MAN1A1: variants seen among roughly 807,000 people sequenced by gnomAD.
MAN1A1 encodes mannosyl-oligosaccharide 1,2-alpha-mannosidase IA.
Under a neutral mutation model 70.8 loss-of-function variants are expected in MAN1A1, and 29 were observed. The ratio of observed to expected loss-of-function variants is 0.41; its 90% CI spans 0.31 to 0.56. MAN1A1 has a LOEUF of 0.56. Among genes scored for constraint, MAN1A1 ranks in the 20% least tolerant of loss-of-function variants. The probability of loss-of-function intolerance (pLI) is 0.29; values close to 1 mark genes in which losing one functional copy is unlikely to be tolerated. For missense variants in MAN1A1, 747 were observed against 841.3 expected, an observed-to-expected ratio of 0.89 and a Z score of 1.39; for synonymous variants, 349 against 330.1, an observed-to-expected ratio of 1.06 and a Z score of -0.62.
chr6:119,211,354 CCAGT>C (rs1310826695), intron 6 of MAN1A1, among the ~76,000 whole-genome samples: 8 of 152,172 alleles, frequency 5.3e-5, no homozygotes, highest in Non-Finnish European at 1.0e-4. Flanking sequence ...GCCAGTGTGG[CCAGT>C]ATTACTTGCT....
At chr6:119,338,334 G>GA (rs375948041) in intron 2 of MAN1A1, among the ~76,000 whole-genome samples, 28 of 144,170 alleles carry the variant, frequency 1.9e-4, no homozygotes, top group East Asian at 4.0e-4. Flanking sequence ...ATTTAGGGTG[G>GA]AAAAAAAAAA....
At chr6:119,194,552 G>T (rs929742731) in intron 8 of MAN1A1, among the ~76,000 whole-genome samples, 3 of 151,996 alleles carry the variant, frequency 2.0e-5, no homozygotes. Flanking sequence ...TACAACTCCT[G>T]GCCTCAAGCA....
chr6:119,329,269 G>A (rs149502332), intron 2 of MAN1A1, among the ~76,000 whole-genome samples: 2 of 152,294 alleles, frequency 1.3e-5, no homozygotes, highest in East Asian at 3.9e-4. Context: ...CTTGAGTACT[G>A]ATTCATAAGA....
At chr6:119,191,988 G>A (rs1428430308) in intron 9 of MAN1A1, among the ~76,000 whole-genome samples, 2 of 69,060 alleles carry the variant, frequency 2.9e-5, no homozygotes, top group African/African-American at 6.2e-5. Context: ...AATATACAGT[G>A]GATTGAAAAT....
chr6:119,314,538 T>C (rs1322884378), intron 2 of MAN1A1, among the ~76,000 whole-genome samples: 1 of 152,178 alleles, frequency 6.6e-6, no homozygotes, highest in Non-Finnish European at 1.5e-5. Context: ...CCCAAGGTAG[T>C]GTAGAGAAGA....
chr6:119,235,154 T>A (rs1474707146), intron 6 of MAN1A1, among the ~76,000 whole-genome samples: 1 of 152,144 alleles, frequency 6.6e-6, no homozygotes, highest in African/African-American at 2.4e-5. Flanking sequence ...TCAGGCCAAT[T>A]AATAACCCAA....
chr6:119,220,041 AT>A (rs1774316063), intron 6 of MAN1A1, among the ~76,000 whole-genome samples: 2 of 152,060 alleles, frequency 1.3e-5, no homozygotes, highest in Non-Finnish European at 2.9e-5. Context: ...GAATATCCAC[AT>A]GCACAGGAAA....
intron 6 of MAN1A1, among the ~76,000 whole-genome samples, chr6:119,230,553 A>G (rs1397526348): frequency 6.6e-6 from 1 of 152,144 alleles, no homozygotes; most frequent in East Asian, 1.9e-4. Context: ...GCTCTCATCT[A>G]CACATCCCCT....
intron 5 of MAN1A1, among the ~76,000 whole-genome samples, chr6:119,284,150 C>T (rs757450813): frequency 2.0e-4 from 31 of 152,122 alleles, no homozygotes; most frequent in Non-Finnish European, 3.4e-4. Context: ...AGGCATATCT[C>T]GAGGCCATGA....
intron 5 of MAN1A1, among the ~76,000 whole-genome samples, chr6:119,272,452 C>T: frequency 6.6e-6 from 1 of 152,148 alleles, no homozygotes; most frequent in South Asian, 2.1e-4. Context: ...CTTTGCTATG[C>T]CTTTCCTAAC....
At chr6:119,280,968 C>T (rs978895266) in intron 5 of MAN1A1, among the ~76,000 whole-genome samples, 3 of 152,120 alleles carry the variant, frequency 2.0e-5, no homozygotes, top group East Asian at 1.9e-4. Flanking sequence ...CACGGCAGGC[C>T]GCTGCCAAAC....
chr6:119,346,546 C>G (rs1408716812), intron 2 of MAN1A1, among the ~76,000 whole-genome samples: 1 of 152,188 alleles, frequency 6.6e-6, no homozygotes, highest in Non-Finnish European at 1.5e-5. Flanking sequence ...ACAGAGACTA[C>G]GTAAATCTCG....
intron 6 of MAN1A1, among the ~76,000 whole-genome samples, chr6:119,223,187 G>T (rs1428130958): frequency 1.3e-5 from 2 of 151,986 alleles, no homozygotes; most frequent in African/African-American, 4.8e-5. Flanking sequence ...TGTATTTACT[G>T]AAATAAGTCT....
At chr6:119,287,738 C>T (rs926372284) in intron 5 of MAN1A1, among the ~76,000 whole-genome samples, 6 of 151,878 alleles carry the variant, frequency 4.0e-5, no homozygotes, top group Non-Finnish European at 1.5e-5. Context: ...AACTAGTGGT[C>T]TTTAGAACAT....
rs923889103 is a variant in MAN1A1, at chr6:119,178,332, C to T, written c.*1487G>A. ...GACAGTTTTTAAACTACAAATGCAG[C>T]AATTTCATATGTTTCAGCCTAATCC... On this transcript the variant is annotated 3_prime_UTR_variant, in exon 13 of 13. Transcript: ENST00000368468. 28 of 152,092 alleles carry T rather than the reference C, an allele frequency of 1.8e-4. No homozygotes were observed. The highest frequency in any genetic ancestry group is 6.5e-4 in the African/African-American group (27 of 41,450). The allele number at this position is 152,092 out of a possible 1,614,324, so 9.4% of individuals were successfully genotyped here. A position where few individuals can be genotyped will look rare whatever the true frequency, so the allele number is the denominator to read the frequency against.
chr6:119,201,523 G>A (rs1773712350), intron 7 of MAN1A1, among the ~76,000 whole-genome samples, 176 bp from the exon 8 acceptor site: 1 of 152,122 alleles, frequency 6.6e-6, no homozygotes. Context: ...ACACTGATTA[G>A]TTATCTACCA....
In MAN1A1 at chr6:119,194,266, G is replaced by GTAT. The variant is rs570538629; in HGVS notation, c.1211-377_1211-375dup. Reference sequence around the variant, plus strand: ...ATATAAAATTCTGGCAAAGCTATGAGTATTAGCAAATCTTTTTTAGAAGGT... The same window carrying GTAT: ...ATATAAAATTCTGGCAAAGCTATGAGTATTATTAGCAAATCTTTTTTAGAAGGT... On this transcript the variant is annotated intron_variant, in intron 8 of 12. Transcript: ENST00000368468. Among the ~76,000 whole-genome samples, 150 of 152,264 alleles carry GTAT rather than the reference G, an allele frequency of 9.9e-4. 1 individual carries two copies. The highest frequency in any genetic ancestry group is 3.5e-3 in the African/African-American group (144 of 41,556).
upstream of MAN1A1, among the ~76,000 whole-genome samples, chr6:119,349,968 G>A (rs1773863920): frequency 6.6e-6 from 1 of 152,116 alleles, no homozygotes; most frequent in South Asian, 2.1e-4. Context: ...GGGCCGGGAG[G>A]CGCGAGGTAG....
Position 119,348,916 on chromosome 6 carries a change from G to A in MAN1A1, c.150C>T (p.Ala50=). The change falls in exon 2 of 13, where the codon GCC becomes GCT. Residue 50 remains alanine, a synonymous_variant. Transcript: ENST00000368468. ...TCGCCCCGAAGCAGAGCGTGATGAA[G>A]GCGCTGAATACCAGCAGCAGCACGA... is the stretch of plus-strand genomic sequence containing the variant. ...EKFVLLLVFS[A]FITLCFGAIF... 3 of 1,534,644 alleles carry A rather than the reference G, an allele frequency of 2.0e-6. No homozygotes were observed. The highest frequency in any genetic ancestry group is 2.6e-6 in the Non-Finnish European group (3 of 1,141,208).
Sources: gnomAD v4.1 joint callset for allele counts (sites outside exome capture counted in the v4.1 genomes callset) on GRCh38, gnomAD v4.1.1 for gene constraint, MANE v1.5 for transcripts, NCBI Gene and HGNC (gene_info 2026-07-23, HGNC 2026-07-21) for gene names.